Variants in CFAP47 observed in about 807,000 individuals in gnomAD.
CFAP47 encodes the protein cilia and flagella associated protein 47, also known as cilia- and flagella-associated protein 47.
Under a neutral mutation model 148.1 loss-of-function variants are expected in CFAP47, and 29 were observed. That is an observed-to-expected ratio of 0.20 (90% CI 0.15 to 0.27). The LOEUF (loss-of-function observed/expected upper bound fraction) is 0.27, where lower values mean the gene tolerates loss of function less well. Ranked by LOEUF, CFAP47 falls within the 10% of genes least tolerant of loss-of-function variation. The pLI is 1.00. For synonymous variants in CFAP47, 664 were observed against 577.3 expected, an observed-to-expected ratio of 1.15 and a Z score of -2.15; for missense variants, 1,872 against 1,697.5, an observed-to-expected ratio of 1.10 and a Z score of -1.81.
chrX:36,069,368 A>G (rs991261499), intron 27 of CFAP47, among the ~76,000 whole-genome samples: 1 of 111,196 alleles, frequency 9.0e-6, no homozygotes, highest in Non-Finnish European at 1.9e-5. Flanking sequence ...TTTATAATTT[A>G]CTTCCAGAAA....
chrX:36,244,934 G>C (rs782565577), intron 48 of CFAP47, among the ~76,000 whole-genome samples: 3 of 111,170 alleles, frequency 2.7e-5, no homozygotes, highest in Non-Finnish European at 5.7e-5. Context: ...CGATATCCCT[G>C]ATGAAAGTAC....
Position 36,327,709 on chromosome X carries a change from A to G in CFAP47, c.8443+8402A>G, listed in dbSNP as rs781979958. 4.5e-5 allele frequency among the ~76,000 whole-genome samples: 5 copies of G among 112,202 alleles called. No individual in the cohort carries two copies. In the East Asian group the frequency reaches 1.1e-3, roughly 25 times the overall value. On this transcript the variant is annotated intron_variant, in intron 57 of 63. Transcript: ENST00000378653. ...ATTATTCACAATAGCAAAGATATGCAATCAATCTAGGTGCCCATCAACCGT... is the reference window on the plus strand; with the variant it reads ...ATTATTCACAATAGCAAAGATATGCGATCAATCTAGGTGCCCATCAACCGT...
At chrX:36,254,012 A>G (rs1940721202) in intron 49 of CFAP47, among the ~76,000 whole-genome samples, 1 of 112,360 alleles carries the variant, frequency 8.9e-6, no homozygotes, top group African/African-American at 3.2e-5. Context: ...CACTGTATCT[A>G]AATATGAATA....
intron 48 of CFAP47, among the ~76,000 whole-genome samples, chrX:36,245,011 A>C (rs1940597939): frequency 8.9e-6 from 1 of 112,250 alleles, no homozygotes; most frequent in Non-Finnish European, 1.9e-5. Context: ...TCAATACACC[A>C]GGATCAAGCA....
rs146431612 is a variant in CFAP47 at position 36,098,820 on chromosome X, C to G, written c.4944C>G (p.Val1648=). ...LNAQGGCISH[V]LPEFLLEPED... ...CTCAAGGAGGATGTATTTCACATGT[C>G]CTGCCAGAATTTTTGCTTGAACCAG... is the stretch of plus-strand genomic sequence containing the variant. The change falls in exon 31 of 64, where the codon GTC becomes GTG. Residue 1648 remains valine, a synonymous_variant. Coordinates refer to ENST00000378653, the MANE Select transcript of CFAP47 (RefSeq NM_001304548.2). 1 of 1,187,315 alleles carries G rather than the reference C, an allele frequency of 8.4e-7. No homozygotes were observed. The highest frequency in any genetic ancestry group is 1.1e-6 in the Non-Finnish European group (1 of 878,252).
chrX:36,348,123 T>C lies in CFAP47; in HGVS notation c.8444-6T>C. On this transcript the variant is annotated splice_region_variant and splice_polypyrimidine_tract_variant and intron_variant, in intron 57 of 63. Transcript: ENST00000378653. ...ATATTAAAAATTATTTTTGTGTGTTTTACAGGAATTGCACTGCCTCCTAAA... is the reference window on the plus strand; with the variant it reads ...ATATTAAAAATTATTTTTGTGTGTTCTACAGGAATTGCACTGCCTCCTAAA... The C allele has an allele frequency of 2.0e-6, 2 of 977,764 alleles. No individual in the cohort carries two copies. Among genetic ancestry groups the C allele is most frequent in the Non-Finnish European group, 2.7e-6 (2 of 752,580 alleles). 80.6% of individuals were successfully genotyped at this position (977,764 alleles called of 1,213,427 possible).
At chrX:36,068,662 A>ATT (rs1206004644) in intron 27 of CFAP47, among the ~76,000 whole-genome samples, 1 of 105,053 alleles carries the variant, frequency 9.5e-6, no homozygotes, top group Non-Finnish European at 2.0e-5. Flanking sequence ...AAATGTAAAG[A>ATT]TTTTTTTTTT....
chrX:36,053,673 C>T (rs937796460), intron 26 of CFAP47, among the ~76,000 whole-genome samples: 5 of 112,011 alleles, frequency 4.5e-5, no homozygotes, highest in African/African-American at 1.6e-4. Context: ...TCTATTCAAA[C>T]AAACCATAGT....
intron 22 of CFAP47, among the ~76,000 whole-genome samples, chrX:36,016,814 C>T (rs753763464): frequency 1.9e-5 from 2 of 106,166 alleles, no homozygotes; most frequent in South Asian, 8.7e-4. Context: ...CCCTTTTCTC[C>T]GTATCCTCAC....
At chrX:36,238,510 T>C (rs1467978883) in intron 48 of CFAP47, among the ~76,000 whole-genome samples, 3 of 112,154 alleles carry the variant, frequency 2.7e-5, no homozygotes, top group African/African-American at 9.7e-5. Context: ...ATTCCTTAGG[T>C]TGCCTTACAT....
chrX:36,092,724 G>C (rs1330238242), intron 30 of CFAP47, among the ~76,000 whole-genome samples: 3 of 108,526 alleles, frequency 2.8e-5, no homozygotes, highest in Non-Finnish European at 5.8e-5. Context: ...TGGAAGATAG[G>C]GTATTAATCC....
At chrX:36,315,192 G>T (rs1422547812) in intron 56 of CFAP47, among the ~76,000 whole-genome samples, 3 of 112,095 alleles carry the variant, frequency 2.7e-5, no homozygotes, top group Non-Finnish European at 3.8e-5. Flanking sequence ...TGAGTGTTTT[G>T]TTATATCCAT....
intron 2 of CFAP47, among the ~76,000 whole-genome samples, chrX:35,935,346 G>A (rs769841648): frequency 9.0e-6 from 1 of 111,543 alleles, no homozygotes; most frequent in East Asian, 2.8e-4. Context: ...GCTGTGACAG[G>A]GCAGCAGTGA....
chrX:35,936,100 A>G (rs763883552), intron 2 of CFAP47, among the ~76,000 whole-genome samples: 35 of 111,783 alleles, frequency 3.1e-4, no homozygotes, highest in African/African-American at 1.1e-3. Context: ...CTATTATTTC[A>G]GCCCCATTCT....
intron 29 of CFAP47, among the ~76,000 whole-genome samples, chrX:36,080,454 C>T (rs1180139078): frequency 8.9e-6 from 1 of 111,747 alleles, no homozygotes; most frequent in East Asian, 2.8e-4. Context: ...GATTATAAAT[C>T]ATGCTACTCT....
At position 36,151,323 on chromosome X, in the gene CFAP47, T is replaced by C. The variant is rs749680978; in HGVS notation, c.5786+2100T>C. Among the ~76,000 whole-genome samples, 16 of 112,031 alleles carry C rather than the reference T, an allele frequency of 1.4e-4. No individual in the cohort carries two copies. The South Asian group carries it at 5.9e-3, about 41-fold the overall frequency. Reference sequence around the variant, plus strand: ...TTTCCAGTCTTTTCATAGGCACACATAGGTTTATTATAACATATGCATACT... The same window carrying C: ...TTTCCAGTCTTTTCATAGGCACACACAGGTTTATTATAACATATGCATACT... On this transcript the variant is annotated intron_variant, in intron 37 of 63. Coordinates refer to ENST00000378653, the MANE Select transcript of CFAP47 (RefSeq NM_001304548.2).
rs763854888 is a variant in CFAP47, at chrX:36,011,933, G to T, written c.3418-2841G>T. On this transcript the variant is annotated intron_variant, in intron 21 of 63. Coordinates refer to ENST00000378653, the MANE Select transcript of CFAP47 (RefSeq NM_001304548.2). ...AGTCATGAAGGCTTTGCCCATGCCT[G>T]TGTCCCGAATGGTTTTGCCTAGGTT... Among the ~76,000 whole-genome samples, 6 of 111,913 alleles carry T rather than the reference G, an allele frequency of 5.4e-5. No homozygotes were observed. The South Asian group carries it at 2.2e-3, about 42-fold the overall frequency.
chrX:35,970,913 C>T lies in CFAP47; in HGVS notation c.1960C>T (p.Gln654Ter). Residue 654 changes from glutamine to a stop codon, truncating the protein, a stop_gained, in exon 11 of 64, where the codon CAA becomes TAA. Coordinates refer to ENST00000378653, the MANE Select transcript of CFAP47 (RefSeq NM_001304548.2). LOFTEE classifies it high-confidence loss of function. ...YLRSVRLQKK[Q>*]AERERMYSYD... ...AAGAAGTGTGCGCTTGCAGAAGAAACAAGCAGAGAGGTAATGTTCAGTTCC... is the reference window on the plus strand; with the variant it reads ...AAGAAGTGTGCGCTTGCAGAAGAAATAAGCAGAGAGGTAATGTTCAGTTCC... 1 of 1,192,732 alleles carries T rather than the reference C, an allele frequency of 8.4e-7. No homozygotes were observed. Among genetic ancestry groups the T allele is most frequent in the Non-Finnish European group, 1.1e-6 (1 of 886,845 alleles).
intron 16 of CFAP47, chrX:35,990,126 A>G (rs781544820): frequency 8.9e-6 from 1 of 111,999 alleles, no homozygotes; most frequent in Non-Finnish European, 1.9e-5. Context: ...GATTAAATAA[A>G]ATATTCATTT....
Sources: gnomAD v4.1 joint callset for allele counts (sites outside exome capture counted in the v4.1 genomes callset) on GRCh38, gnomAD v4.1.1 for gene constraint, MANE v1.5 for transcripts, NCBI Gene and HGNC (gene_info 2026-07-23, HGNC 2026-07-21) for gene names.